Variants in PHKA2 observed in about 807,000 individuals in gnomAD.
PHKA2 encodes phosphorylase kinase regulatory subunit alpha 2.
A neutral mutation model predicts 102.0 loss-of-function variants in PHKA2; 31 were observed. That is an observed-to-expected ratio of 0.30 (90% CI 0.23 to 0.41). PHKA2 has a LOEUF of 0.41. Ranked by LOEUF, PHKA2 falls within the 10% of genes least tolerant of loss-of-function variation. The pLI, the probability that PHKA2 is intolerant of heterozygous loss-of-function variation, is 1.00. For missense variants in PHKA2, 858 were observed against 1,023.1 expected, an observed-to-expected ratio of 0.84 and a Z score of 2.20; for synonymous variants, 455 against 416.2, an observed-to-expected ratio of 1.09 and a Z score of -1.13.
rs977092419 is a variant in PHKA2, at chrX:18,944,959, T to C, written c.618+119A>G. 1.9e-5 allele frequency: 11 copies of C among 564,648 alleles called. No homozygotes were observed. In the African/African-American group the frequency reaches 2.2e-4, roughly 11 times the overall value. The allele number at this position is 564,648 out of a possible 1,213,427, so 46.5% of individuals were successfully genotyped here. A position where few individuals can be genotyped will look rare whatever the true frequency, so the allele number is the denominator to read the frequency against. ...GTAACTGTGCCACTTGAATTTCACA[T>C]CCTTGATGCTGACTTTTGACAAATA... On this transcript the variant is annotated intron_variant, in intron 6 of 32. Transcript: ENST00000379942.
intron 1 of PHKA2, among the ~76,000 whole-genome samples, chrX:18,971,375 A>G (rs2049016991): frequency 8.9e-6 from 1 of 112,399 alleles, no homozygotes; most frequent in African/African-American, 3.2e-5. Context: ...GCTTGTTTAC[A>G]TTGTAGAATA....
chrX:18,916,233 G>A (rs5955667), intron 19 of PHKA2, among the ~76,000 whole-genome samples: 18,191 of 111,213 alleles, frequency 0.16, 1,286 homozygotes, highest in East Asian at 0.31. Flanking sequence ...TGGCCAACAC[G>A]GTGAAACCCT....
intron 1 of PHKA2, among the ~76,000 whole-genome samples, chrX:18,980,847 C>T (rs1188378844): frequency 9.0e-6 from 1 of 111,556 alleles, no homozygotes; most frequent in East Asian, 2.8e-4. Context: ...GGGCAGGCCG[C>T]CCCTTCAAAT....
At chrX:18,920,453 C>T (rs111441241) in intron 17 of PHKA2, among the ~76,000 whole-genome samples, 2 of 112,324 alleles carry the variant, frequency 1.8e-5, no homozygotes, top group Non-Finnish European at 3.8e-5. Context: ...CAACCCAACA[C>T]AAATACGACT....
chrX:18,893,015 C>CACAG lies in PHKA2; in HGVS notation c.*466_*469dup, dbSNP rs1025039929. ...GTTCTATTTGGTGAAGAGTTTGGTG[C>CACAG]ACAGACAGACTGCATCCTGTGAAGA... On this transcript the variant is annotated 3_prime_UTR_variant, in exon 33 of 33. Coordinates refer to ENST00000379942, the MANE Select transcript of PHKA2 (RefSeq NM_000292.3). 31 of 166,177 alleles carry CACAG rather than the reference C, an allele frequency of 1.9e-4. No homozygotes were observed. The highest frequency in any genetic ancestry group is 2.2e-4 in the Admixed American group (3 of 13,829). 13.7% of individuals were successfully genotyped at this position (166,177 alleles called of 1,213,427 possible).
At position 18,894,262 on chromosome X, in the gene PHKA2, C is replaced by T. The variant is rs1328059351; in HGVS notation, c.3479G>A (p.Gly1160Asp). 8.3e-7 allele frequency: 1 copy of T among 1,211,501 alleles called. No individual in the cohort carries two copies. The highest frequency in any genetic ancestry group is 1.1e-6 in the Non-Finnish European group (1 of 895,189). ...LSDTEMTSIG[G>D]IIHVDQIVQM... ...CACGATCTGGTCCACGTGGATGATG[C>T]CCCCGATGCTGGTCATCTCCGTGTC... Residue 1160 changes from glycine (G) to aspartate (D), a missense_variant, in exon 32 of 33, where the codon GGC (glycine) becomes GAC (aspartate). Physicochemically the swap from Gly to Asp is moderately conservative, Grantham distance 94 (BLOSUM62 -1). Transcript: ENST00000379942.
At chrX:18,950,764 T>A (rs920106690) in intron 4 of PHKA2, among the ~76,000 whole-genome samples, 2 of 112,284 alleles carry the variant, frequency 1.8e-5, no homozygotes, top group African/African-American at 6.5e-5. Flanking sequence ...ATCCTACATA[T>A]CCTACATGGG....
intron 25 of PHKA2, 52 bp downstream of exon 25, chrX:18,906,443 G>A (rs895833147): frequency 1.3e-5 from 16 of 1,200,618 alleles, no homozygotes; most frequent in African/African-American, 3.5e-5. Context: ...GGCCGTGGCC[G>A]GGTGGTTGGG....
At chrX:18,941,053 T>C (rs1177250584) in intron 8 of PHKA2, among the ~76,000 whole-genome samples, 2 of 112,444 alleles carry the variant, frequency 1.8e-5, no homozygotes, top group Admixed American at 1.9e-4. Context: ...ATTTTACCGA[T>C]AGTTTCAACT....
rs1302357724 is a variant in PHKA2 at position 18,941,728 on chromosome X, G to GT, written c.718-54dup. ...ACCTGGAGATGCGCTAATAGGCGCA[G>GT]TATCTAGGGACCATGAGCTCGGCCC... On this transcript the variant is annotated intron_variant, in intron 7 of 32. Transcript: ENST00000379942. The GT allele has an allele frequency of 2.9e-5, 25 of 870,790 alleles. No homozygotes were observed. The African/African-American group carries it at 4.5e-4, about 16-fold the overall frequency. The allele number at this position is 870,790 out of a possible 1,213,427, so 71.8% of individuals were successfully genotyped here.
intron 3 of PHKA2, among the ~76,000 whole-genome samples, chrX:18,951,942 TA>T (rs916273606): frequency 1.5e-4 from 16 of 107,472 alleles, no homozygotes; most frequent in Non-Finnish European, 5.8e-5. Context: ...TCTTCTCCAT[TA>T]AAAAAAAAGC....
intron 5 of PHKA2, among the ~76,000 whole-genome samples, chrX:18,947,999 G>A (rs2048612898): frequency 9.0e-6 from 1 of 111,207 alleles, no homozygotes; most frequent in South Asian, 3.8e-4. Context: ...GGGACTCAGG[G>A]GGAAAGTGTG....
rs150235662 is a variant in PHKA2, at chrX:18,975,592, T to C, written c.78+8263A>G. On this transcript the variant is annotated intron_variant, in intron 1 of 32. Transcript: ENST00000379942. ...CTTGCTTCCCCACAATTTTCTCCAT[T>C]GCAGTAAATGGTAATTCCATCCTAA... Among the ~76,000 whole-genome samples the C allele has an allele frequency of 2.7e-5, 3 of 112,545 alleles. No homozygotes were observed. In the East Asian group the frequency reaches 8.4e-4, roughly 32 times the overall value.
chrX:18,965,573 C>T (rs910697477), intron 1 of PHKA2, among the ~76,000 whole-genome samples: 1 of 111,031 alleles, frequency 9.0e-6, no homozygotes, highest in Non-Finnish European at 1.9e-5. Flanking sequence ...GTCCATGAAT[C>T]GCCTTTCTGG....
chrX:18,974,328 G>A (rs781569536), intron 1 of PHKA2, among the ~76,000 whole-genome samples: 3 of 111,044 alleles, frequency 2.7e-5, no homozygotes, highest in African/African-American at 6.5e-5. Context: ...TCTTGAATTC[G>A]ACTTGCCCAA....
At chrX:18,971,391 C>T (rs1252785040) in intron 1 of PHKA2, among the ~76,000 whole-genome samples, 1 of 112,115 alleles carries the variant, frequency 8.9e-6, no homozygotes, top group African/African-American at 3.2e-5. Context: ...GAATATGATA[C>T]TATTATAGAA....
intron 10 of PHKA2, among the ~76,000 whole-genome samples, chrX:18,937,296 G>A (rs1185622691): frequency 9.0e-6 from 1 of 110,896 alleles, no homozygotes; most frequent in African/African-American, 3.3e-5. Flanking sequence ...ACAGAGCATG[G>A]TACCAAGTAG....
intron 30 of PHKA2, chrX:18,895,645 G>A (rs1021701041): frequency 3.8e-5 from 6 of 157,415 alleles, no homozygotes; most frequent in African/African-American, 1.5e-4. Context: ...GCACAGACAT[G>A]CACATGCACA....
chrX:18,895,025 T>C (rs1406912889), intron 31 of PHKA2, 113 bp downstream of exon 31: 1 of 724,294 alleles, frequency 1.4e-6, no homozygotes, highest in Non-Finnish European at 2.2e-6. Flanking sequence ...GAGCTACAAA[T>C]GGCCTGTCAA....
Sources: allele counts gnomAD v4.1 joint callset (sites outside exome capture counted in the v4.1 genomes callset), GRCh38; gene constraint gnomAD v4.1.1; transcripts MANE v1.5; gene names NCBI Gene and HGNC (gene_info 2026-07-23, HGNC 2026-07-21).